Variants in DAB1 observed in about 807,000 individuals in gnomAD.
DAB1 encodes disabled homolog 1.
Under a neutral mutation model 64.6 loss-of-function variants are expected in DAB1, and 15 were observed. That is an observed-to-expected ratio of 0.23 (90% confidence interval 0.16 to 0.36). The LOEUF (loss-of-function observed/expected upper bound fraction) is 0.36, where lower values mean the gene tolerates loss of function less well. Among genes scored for constraint, DAB1 ranks in the 10% least tolerant of loss-of-function variants. The pLI, the probability that DAB1 is intolerant of heterozygous loss-of-function variation, is 1.00. For synonymous variants in DAB1, 235 were observed against 251.9 expected (o/e 0.93, Z 0.64); for missense variants, 596 against 706.7 (o/e 0.84, Z 1.78).
intron 7 of DAB1, among the ~76,000 whole-genome samples, chr1:57,568,773 A>C (rs1167818794): frequency 6.6e-6 from 1 of 151,978 alleles, no homozygotes; most frequent in African/African-American, 2.4e-5. Flanking sequence ...AAAAGTCAGG[A>C]AACAACAGGT....
At chr1:57,922,845 C>CAAAAAAAAAAAAAAAAAAAAAAAAA (rs367897659) in intron 5 of DAB1, among the ~76,000 whole-genome samples, 1 of 45,010 alleles carries the variant, frequency 2.2e-5, no homozygotes, top group African/African-American at 1.1e-4. Flanking sequence ...GACTCCATCT[C>CAAAAAAAAAAAAAAAAAAAAAAAAA]AAAAAAAAAA....
At chr1:57,496,384 GGCCT>G (rs1644230693) in intron 7 of DAB1, among the ~76,000 whole-genome samples, 1 of 152,100 alleles carries the variant, frequency 6.6e-6, no homozygotes, top group Non-Finnish European at 1.5e-5. Context: ...CAGTTAAATA[GGCCT>G]ACATCCTGAG....
intron 1 of DAB1, among the ~76,000 whole-genome samples, chr1:57,853,883 G>T (rs1653640654): frequency 6.6e-6 from 1 of 152,174 alleles, no homozygotes; most frequent in Admixed American, 6.5e-5. Flanking sequence ...GGTTGAGGGA[G>T]GGCCCAGAAT....
At chr1:57,507,017 C>T (rs1044656804) in intron 7 of DAB1, among the ~76,000 whole-genome samples, 9 of 152,198 alleles carry the variant, frequency 5.9e-5, no homozygotes, top group African/African-American at 1.9e-4. Flanking sequence ...CTCTCATCTA[C>T]AATCTGTCTT....
intron 6 of DAB1, among the ~76,000 whole-genome samples, chr1:57,765,224 G>A (rs1336830886): frequency 6.6e-6 from 1 of 152,136 alleles, no homozygotes; most frequent in African/African-American, 2.4e-5. Flanking sequence ...GCTATGTTTT[G>A]TTGTCAAGGG....
chr1:58,527,313 C>T (rs1236852835), exon 2 of DAB1: 1 of 872,142 alleles, frequency 1.1e-6, no homozygotes, highest in Admixed American at 1.7e-5. Context: ...CAATTTTCTG[C>T]TGTATGGTCT....
intron 7 of DAB1, among the ~76,000 whole-genome samples, chr1:57,576,354 G>T (rs1390933751): frequency 6.6e-6 from 1 of 152,084 alleles, no homozygotes; most frequent in Non-Finnish European, 1.5e-5. Flanking sequence ...ACCCCATTGT[G>T]AGTCAAAAAG....
At chr1:57,476,246 A>C (rs1322696118) in intron 7 of DAB1, among the ~76,000 whole-genome samples, 4 of 151,674 alleles carry the variant, frequency 2.6e-5, no homozygotes, top group Non-Finnish European at 5.9e-5. Context: ...AAAAACAAAA[A>C]ACAAAAACAA....
At chr1:57,380,068 T>C (rs1306796004) in intron 1 of DAB1, among the ~76,000 whole-genome samples, 1 of 152,224 alleles carries the variant, frequency 6.6e-6, no homozygotes, top group Non-Finnish European at 1.5e-5. Context: ...CCAAGCACTC[T>C]GCAAAGTTTT....
intron 1 of DAB1, among the ~76,000 whole-genome samples, chr1:57,394,146 A>T (rs1682619906): frequency 6.6e-6 from 1 of 152,220 alleles, no homozygotes; most frequent in Admixed American, 6.5e-5. Context: ...TTCACCGTAG[A>T]TCTTACCAGA....
intron 7 of DAB1, among the ~76,000 whole-genome samples, chr1:57,495,282 G>C (rs1216636320): frequency 6.6e-6 from 1 of 152,158 alleles, no homozygotes; most frequent in Non-Finnish European, 1.5e-5. Context: ...AAAAGATGCT[G>C]CCAAGTAAAA....
chr1:58,189,274 A>C (rs756788479), intron 4 of DAB1, among the ~76,000 whole-genome samples: 1 of 152,230 alleles, frequency 6.6e-6, no homozygotes, highest in Non-Finnish European at 1.5e-5. Context: ...AGCTGTTCCA[A>C]TGCAAAATAG....
intron 6 of DAB1, among the ~76,000 whole-genome samples, chr1:57,817,713 A>C (rs1343884483): frequency 1.3e-5 from 2 of 152,190 alleles, no homozygotes; most frequent in African/African-American, 2.4e-5. Context: ...TTTCCTATCC[A>C]TAATACAGCT....
downstream of DAB1, among the ~76,000 whole-genome samples, chr1:57,823,185 A>G (rs946085860): frequency 2.6e-5 from 4 of 151,950 alleles, no homozygotes; most frequent in Admixed American, 6.6e-5. Context: ...GGGTTTCACT[A>G]TGTTGGCCAG....
intron 7 of DAB1, among the ~76,000 whole-genome samples, chr1:57,535,565 C>A (rs1644717226): frequency 6.7e-6 from 1 of 150,294 alleles, no homozygotes; most frequent in Admixed American, 6.7e-5. Context: ...CTGGTTCAAG[C>A]AATTCTCCTG....
intron 1 of DAB1, among the ~76,000 whole-genome samples, chr1:57,851,228 A>G (rs1209417179): frequency 6.6e-6 from 1 of 152,208 alleles, no homozygotes; most frequent in Non-Finnish European, 1.5e-5. Context: ...ATATATCTAC[A>G]TAGGTTAGTC....
rs61765624 is a variant in DAB1 at position 57,233,714 on chromosome 1, G to A, written c.67+57250C>T. Among the ~76,000 whole-genome samples the A allele has an allele frequency of 7.7e-3, 1,165 of 151,632 alleles. 31 individuals carry two copies. The East Asian group carries it at 0.082, about 11-fold the overall frequency. ...GCGGAAGTTTCAGTGAGCCGAGATC[G>A]TGCCACTGCACTCCAGCCTGGGCGA... is the stretch of plus-strand genomic sequence containing the variant. On this transcript the variant is annotated intron_variant, in intron 2 of 14. Transcript: ENST00000371236.
chr1:58,506,359 C>A, intron 2 of DAB1: 1 of 539,634 alleles, frequency 1.9e-6, no homozygotes, highest in East Asian at 3.0e-5. Flanking sequence ...CATACGTATA[C>A]ATGTGCCATG....
In DAB1 at chr1:57,407,767, A is replaced by AGTGTGT. The variant is rs3991224; in HGVS notation, c.-137+16157_-137+16162dup. Among the ~76,000 whole-genome samples, 515 of 147,046 alleles carry AGTGTGT rather than the reference A, an allele frequency of 3.5e-3. 2 individuals are homozygous for AGTGTGT. The highest frequency in any genetic ancestry group is 0.013 in the South Asian group (57 of 4,442). On this transcript the variant is annotated intron_variant, in intron 1 of 14. Transcript: ENST00000371236. ...GAAGATGGAAGAGGAAGATATCTGA[A>AGTGTGT]GTGTGTGTGTGTGTGTGTGTGTGTG...
Sources: gnomAD v4.1 joint callset for allele counts (sites outside exome capture counted in the v4.1 genomes callset) on GRCh38, gnomAD v4.1.1 for gene constraint, MANE v1.5 for transcripts, NCBI Gene and HGNC (gene_info 2026-07-23, HGNC 2026-07-21) for gene names.